Variants in LRP1B observed in about 807,000 individuals in gnomAD.
The protein encoded by LRP1B is low-density lipoprotein receptor-related protein 1B.
A neutral mutation model predicts 556.6 loss-of-function variants in LRP1B; 217 were observed. The ratio of observed to expected loss-of-function variants is 0.39; its 90% confidence interval spans 0.35 to 0.44. The LOEUF (loss-of-function observed/expected upper bound fraction) is 0.44, where lower values mean the gene tolerates loss of function less well. Ranked by LOEUF, LRP1B falls within the 20% of genes least tolerant of loss-of-function variation. The pLI is 1.00. For synonymous variants in LRP1B, 2,047 were observed against 1,865.8 expected, an observed-to-expected ratio of 1.10 and a Z score of -2.50; for missense variants, 5,053 against 5,620.8, an observed-to-expected ratio of 0.90 and a Z score of 3.23.
chr2:141,229,690 A>G (rs1558947727), intron 5 of LRP1B, among the ~76,000 whole-genome samples: 1 of 152,212 alleles, frequency 6.6e-6, no homozygotes, highest in Non-Finnish European at 1.5e-5. Context: ...ATGTGAGGAC[A>G]TGTCATTTAC....
At chr2:142,089,988 T>C (rs1400081153) in intron 1 of LRP1B, among the ~76,000 whole-genome samples, 1 of 151,948 alleles carries the variant, frequency 6.6e-6, no homozygotes, top group Non-Finnish European at 1.5e-5. Context: ...CAAAAATGTT[T>C]ATTTTGAGTT....
intron 10 of LRP1B, among the ~76,000 whole-genome samples, chr2:141,053,311 A>G (rs1699090456): frequency 6.6e-6 from 1 of 151,940 alleles, no homozygotes; most frequent in South Asian, 2.1e-4. Flanking sequence ...TAATGGAGAC[A>G]CTGAATTTTT....
At chr2:140,806,530 A>G (rs1690722114) in intron 32 of LRP1B, among the ~76,000 whole-genome samples, 2 of 152,196 alleles carry the variant, frequency 1.3e-5, no homozygotes, top group South Asian at 4.1e-4. Flanking sequence ...GGTGGAGGGT[A>G]AATTCAAACT....
intron 3 of LRP1B, among the ~76,000 whole-genome samples, chr2:141,355,880 C>T (rs867950717): frequency 1.3e-5 from 2 of 152,078 alleles, no homozygotes; most frequent in African/African-American, 4.8e-5. Context: ...ATTATTTTCT[C>T]ATGCACACTA....
intron 2 of LRP1B, among the ~76,000 whole-genome samples, chr2:141,808,279 A>G (rs1696226814): frequency 1.3e-5 from 2 of 152,028 alleles, no homozygotes; most frequent in Admixed American, 1.3e-4. Flanking sequence ...TATTTTCTCC[A>G]TCACAGAATT....
intron 2 of LRP1B, among the ~76,000 whole-genome samples, chr2:141,740,667 A>G (rs1374065503): frequency 6.6e-6 from 1 of 152,140 alleles, no homozygotes; most frequent in Non-Finnish European, 1.5e-5. Context: ...TTCTGCTACC[A>G]AATACGAGGT....
In LRP1B at chr2:140,932,466, G is replaced by A. The variant is rs189110033; in HGVS notation, c.3137-9319C>T. On this transcript the variant is annotated intron_variant, in intron 20 of 90. Transcript: ENST00000389484. ...GCTTTGAGTAGTTGCAACAGGCAAA[G>A]CCTAAAATATTTACTGTCTAATCCT... Among the ~76,000 whole-genome samples, 224 of 152,196 alleles carry A rather than the reference G, an allele frequency of 1.5e-3. 1 individual carries two copies. Among genetic ancestry groups the A allele is most frequent in the Non-Finnish European group, 2.7e-3 (186 of 67,992 alleles).
intron 1 of LRP1B, among the ~76,000 whole-genome samples, chr2:141,929,085 T>C (rs1005652385): frequency 6.6e-6 from 1 of 152,092 alleles, no homozygotes; most frequent in African/African-American, 2.4e-5. Context: ...TCTAGAATCA[T>C]CAAAGCTACC....
chr2:141,108,334 C>CTTTTTTTT lies in LRP1B; in HGVS notation c.1014-46069_1014-46062dup, dbSNP rs60275697. ...ACAAAAATATGTTTATAATCTGTTTCTTTTTTTTTTTTTTTTTTTTTTTTT... is the reference window on the plus strand; with the variant it reads ...ACAAAAATATGTTTATAATCTGTTTCTTTTTTTTTTTTTTTTTTTTTTTTTTTTTTTTT... On this transcript the variant is annotated intron_variant, in intron 7 of 90. Coordinates refer to ENST00000389484, the MANE Select transcript of LRP1B (RefSeq NM_018557.3). Among the ~76,000 whole-genome samples, 576 of 88,440 alleles carry CTTTTTTTT rather than the reference C, an allele frequency of 6.5e-3. 40 individuals carry two copies. Among genetic ancestry groups the CTTTTTTTT allele is most frequent in the South Asian group, 8.0e-3 (21 of 2,636 alleles). 58.0% of individuals were successfully genotyped at this position (88,440 alleles called of 152,430 possible).
intron 7 of LRP1B, among the ~76,000 whole-genome samples, chr2:141,111,256 T>A (rs1399865364): frequency 6.6e-6 from 1 of 152,192 alleles, no homozygotes. Flanking sequence ...ATACTTAATG[T>A]ATACTGTGCC....
intron 35 of LRP1B, among the ~76,000 whole-genome samples, chr2:140,759,721 T>C (rs938253017): frequency 2.6e-5 from 4 of 152,182 alleles, no homozygotes; most frequent in African/African-American, 9.6e-5. Flanking sequence ...TGGAACTCAG[T>C]CTAAGCATAG....
chr2:140,893,682 C>T (rs1229607513), intron 23 of LRP1B, among the ~76,000 whole-genome samples: 1 of 152,068 alleles, frequency 6.6e-6, no homozygotes, highest in Non-Finnish European at 1.5e-5. Context: ...TAATAATTAA[C>T]TTGAAGAAAT....
chr2:141,688,286 T>A (rs1045115365), intron 2 of LRP1B, among the ~76,000 whole-genome samples: 6 of 151,864 alleles, frequency 4.0e-5, no homozygotes, highest in Non-Finnish European at 7.4e-5. Flanking sequence ...TTTACGTTAA[T>A]AATAGCTAAC....
At chr2:141,569,530 CAA>C (rs1455900575) in intron 2 of LRP1B, among the ~76,000 whole-genome samples, 2 of 150,888 alleles carry the variant, frequency 1.3e-5, no homozygotes. Flanking sequence ...AAAAGTAGGC[CAA>C]AATGTTAGAT....
At chr2:140,348,913 G>A (rs865823974) in intron 77 of LRP1B, among the ~76,000 whole-genome samples, 1 of 152,184 alleles carries the variant, frequency 6.6e-6, no homozygotes, top group East Asian at 1.9e-4. Flanking sequence ...CCAGTTTCAT[G>A]GAAGACAATT....
At chr2:140,492,752 A>G in intron 56 of LRP1B, 59 bp from the exon 57 acceptor site, 2 of 1,205,166 alleles carry the variant, frequency 1.7e-6, no homozygotes, top group South Asian at 2.4e-5. Context: ...TCCCCTTTGC[A>G]TAATTTCAGT....
chr2:140,970,301 C>T (rs1238133161), intron 18 of LRP1B, among the ~76,000 whole-genome samples: 1 of 152,182 alleles, frequency 6.6e-6, no homozygotes, highest in Non-Finnish European at 1.5e-5. Context: ...ACCCTTTCTT[C>T]CAGTTGATCG....
chr2:141,579,723 A>ATTTTTTTTT (rs1559153915), intron 2 of LRP1B, among the ~76,000 whole-genome samples: 3 of 31,148 alleles, frequency 9.6e-5, no homozygotes, highest in African/African-American at 2.9e-4. Flanking sequence ...ATCAGGTTTC[A>ATTTTTTTTT]CTTTTTTTTT....
chr2:141,027,106 G>A (rs1043530119), intron 11 of LRP1B, among the ~76,000 whole-genome samples: 1 of 152,074 alleles, frequency 6.6e-6, no homozygotes, highest in Non-Finnish European at 1.5e-5. Flanking sequence ...TTGGAAGAAG[G>A]AAAAGTGGGG....
Sources: gnomAD v4.1 joint callset for allele counts (sites outside exome capture counted in the v4.1 genomes callset) on GRCh38, gnomAD v4.1.1 for gene constraint, MANE v1.5 for transcripts, NCBI Gene and HGNC (gene_info 2026-07-23, HGNC 2026-07-21) for gene names.